Variants in CTNNA3 observed in about 807,000 individuals in gnomAD.
CTNNA3 encodes catenin alpha 3.
In CTNNA3, 76 loss-of-function variants were observed where a neutral mutation model predicts 95.7. The observed-to-expected ratio is 0.79, with a 90% CI of 0.66 to 0.96. The LOEUF is 0.96. Among genes scored for constraint, CTNNA3 ranks in the 40% least tolerant of loss-of-function variants. CTNNA3 has a pLI of 0.00. For synonymous variants in CTNNA3, 431 were observed against 374.4 expected, an observed-to-expected ratio of 1.15 and a Z score of -1.74; for missense variants, 1,191 against 1,089.8, an observed-to-expected ratio of 1.09 and a Z score of -1.31.
intron 5 of CTNNA3, among the ~76,000 whole-genome samples, chr10:67,369,309 T>C (rs1843329115): frequency 6.6e-6 from 1 of 152,138 alleles, no homozygotes; most frequent in African/African-American, 2.4e-5. Flanking sequence ...TTGGAAAAAC[T>C]GGATAAACAT....
intron 15 of CTNNA3, among the ~76,000 whole-genome samples, chr10:66,007,304 A>T (rs1316045245): frequency 2.6e-5 from 4 of 151,954 alleles, no homozygotes; most frequent in East Asian, 1.9e-4. Context: ...ATTATTTAAA[A>T]TTTTTTTTCT....
chr10:66,378,443 G>A (rs994587485), intron 12 of CTNNA3, among the ~76,000 whole-genome samples: 12 of 152,160 alleles, frequency 7.9e-5, no homozygotes, highest in African/African-American at 2.9e-4. Flanking sequence ...CCAGGAAGGA[G>A]TTCTGCTATC....
chr10:66,512,065 G>GAT, intron 11 of CTNNA3, among the ~76,000 whole-genome samples: 1 of 151,798 alleles, frequency 6.6e-6, no homozygotes, highest in South Asian at 2.1e-4. Flanking sequence ...GTGTTCGGTG[G>GAT]ATATATATTA....
intron 5 of CTNNA3, among the ~76,000 whole-genome samples, chr10:67,429,044 T>G (rs1846016970): frequency 6.6e-6 from 1 of 152,010 alleles, no homozygotes; most frequent in Non-Finnish European, 1.5e-5. Flanking sequence ...CCTGCAAACC[T>G]CAAATAATAT....
At chr10:66,442,708 G>A (rs993119636) in intron 11 of CTNNA3, among the ~76,000 whole-genome samples, 5 of 152,136 alleles carry the variant, frequency 3.3e-5, no homozygotes, top group East Asian at 1.9e-4. Flanking sequence ...GAACAGCTCC[G>A]GTCTACAGCT....
intron 13 of CTNNA3, among the ~76,000 whole-genome samples, chr10:66,135,270 G>T (rs2133861246): frequency 6.6e-6 from 1 of 152,222 alleles, no homozygotes; most frequent in East Asian, 1.9e-4. Context: ...GGTTCTTTCT[G>T]GCTAAGGTAA....
intron 5 of CTNNA3, among the ~76,000 whole-genome samples, chr10:67,509,693 T>A (rs1433064747): frequency 6.6e-6 from 1 of 152,212 alleles, no homozygotes; most frequent in African/African-American, 2.4e-5. Flanking sequence ...TTATAATCCA[T>A]TGGATATATA....
At chr10:66,446,775 T>A (rs944276249) in intron 11 of CTNNA3, among the ~76,000 whole-genome samples, 45 of 152,204 alleles carry the variant, frequency 3.0e-4, no homozygotes, top group African/African-American at 1.1e-3. Context: ...AAGACAGGGA[T>A]GCCCTCTCTC....
intron 6 of CTNNA3, among the ~76,000 whole-genome samples, chr10:67,180,970 A>G (rs1172925289): frequency 1.3e-5 from 2 of 152,176 alleles, no homozygotes; most frequent in Non-Finnish European, 2.9e-5. Context: ...TCATCCTGAC[A>G]GCACCATGAG....
intron 7 of CTNNA3, among the ~76,000 whole-genome samples, chr10:66,817,720 T>C (rs12251625): frequency 0.12 from 18,467 of 151,666 alleles, 1,640 homozygotes; most frequent in African/African-American, 0.26. Flanking sequence ...TGCCAAATAT[T>C]CAAAAAATTA....
chr10:66,791,196 A>C (rs1840952038), intron 7 of CTNNA3, among the ~76,000 whole-genome samples: 1 of 152,156 alleles, frequency 6.6e-6, no homozygotes, highest in Non-Finnish European at 1.5e-5. Flanking sequence ...ACTCCATTTA[A>C]AACCCCTTAA....
intron 5 of CTNNA3, among the ~76,000 whole-genome samples, chr10:67,476,463 G>A (rs915740392): frequency 9.3e-5 from 14 of 150,690 alleles, no homozygotes; most frequent in East Asian, 2.0e-4. Context: ...CCAGGCAGTC[G>A]GAGCACCCAC....
chr10:66,216,234 G>C (rs1015683441), intron 13 of CTNNA3, among the ~76,000 whole-genome samples: 2 of 152,156 alleles, frequency 1.3e-5, no homozygotes, highest in Non-Finnish European at 2.9e-5. Flanking sequence ...ACTTCAATCC[G>C]ATCTTTGTAT....
chr10:66,343,747 C>T (rs1036378796), intron 12 of CTNNA3, among the ~76,000 whole-genome samples: 13 of 151,992 alleles, frequency 8.6e-5, no homozygotes, highest in African/African-American at 2.9e-4. Flanking sequence ...CACAAAGAAA[C>T]GATAAATCTT....
Position 67,277,758 on chromosome 10 carries a change from T to G in CTNNA3, c.580-57888A>C, listed in dbSNP as rs112475871. Reference sequence around the variant, plus strand: ...TTCATTAAAGGCTAATTATAATGCATTAGCATGCTAAAAGACACTCCCACC... The same window carrying G: ...TTCATTAAAGGCTAATTATAATGCAGTAGCATGCTAAAAGACACTCCCACC... On this transcript the variant is annotated intron_variant, in intron 5 of 17. Transcript: ENST00000433211. Among the ~76,000 whole-genome samples the G allele has an allele frequency of 7.8e-3, 1,181 of 152,238 alleles. 9 individuals are homozygous for G. The highest frequency in any genetic ancestry group is 0.018 in the South Asian group (89 of 4,824).
chr10:66,164,644 A>G (rs1029196444), intron 13 of CTNNA3, among the ~76,000 whole-genome samples: 1 of 152,208 alleles, frequency 6.6e-6, no homozygotes, highest in Admixed American at 6.5e-5. Flanking sequence ...AAAAGAAAGA[A>G]AATCTCTGTA....
intron 5 of CTNNA3, among the ~76,000 whole-genome samples, chr10:67,266,132 A>G (rs1866816371): frequency 6.6e-6 from 1 of 152,188 alleles, no homozygotes; most frequent in East Asian, 1.9e-4. Flanking sequence ...AGTCATCAAA[A>G]AATTTTATCA....
chr10:66,538,519 A>T (rs1432684608), intron 10 of CTNNA3, among the ~76,000 whole-genome samples: 1 of 152,226 alleles, frequency 6.6e-6, no homozygotes. Flanking sequence ...GTTGCAACAA[A>T]CATAACCAAA....
At chr10:66,753,571 A>T (rs1439301767) in intron 9 of CTNNA3, among the ~76,000 whole-genome samples, 1 of 151,898 alleles carries the variant, frequency 6.6e-6, no homozygotes, top group Non-Finnish European at 1.5e-5. Flanking sequence ...CTGAGGCAGG[A>T]GAATCGCTTG....
Sources: allele counts gnomAD v4.1 joint callset (sites outside exome capture counted in the v4.1 genomes callset), GRCh38; gene constraint gnomAD v4.1.1; transcripts MANE v1.5; gene names NCBI Gene and HGNC (gene_info 2026-07-23, HGNC 2026-07-21).